EPB41L2: variants seen among roughly 807,000 people sequenced by gnomAD.
The protein encoded by EPB41L2 is band 4.1-like protein 2.
In EPB41L2, 43 loss-of-function variants were observed where a neutral mutation model predicts 113.0. That is an observed-to-expected ratio of 0.38 (90% CI 0.30 to 0.49). The LOEUF (loss-of-function observed/expected upper bound fraction) is 0.49, where lower values mean the gene tolerates loss of function less well. Ranked by LOEUF, EPB41L2 falls within the 20% of genes least tolerant of loss-of-function variation. The pLI is 0.95. For synonymous variants in EPB41L2, 442 were observed against 436.7 expected (o/e 1.01, Z -0.15); for missense variants, 1,147 against 1,223.4 (o/e 0.94, Z 0.93).
At chr6:131,004,066 A>G (rs1015679043) in intron 1 of EPB41L2, among the ~76,000 whole-genome samples, 2 of 152,254 alleles carry the variant, frequency 1.3e-5, no homozygotes, top group African/African-American at 4.8e-5. Context: ...GCCAAACTTT[A>G]CAGCTCTAAA....
At chr6:130,847,215 A>G (rs1341895088) in intron 19 of EPB41L2, among the ~76,000 whole-genome samples, 1 of 152,094 alleles carries the variant, frequency 6.6e-6, no homozygotes, top group African/African-American at 2.4e-5. Flanking sequence ...AACTATCCAG[A>G]TTGCCCTTGG....
chr6:130,854,335 G>GAGGCCGGGCGTGGTGGCTCACGCCTGT, intron 19 of EPB41L2, among the ~76,000 whole-genome samples: 1 of 151,770 alleles, frequency 6.6e-6, no homozygotes, highest in African/African-American at 2.4e-5. Flanking sequence ...AATACTTTTT[G>GAGGCCGGGCGTGGTGGCTCACGCCTGT]AATGCATGAA....
At chr6:131,044,377 G>A (rs1012205648) in intron 1 of EPB41L2, among the ~76,000 whole-genome samples, 2 of 151,978 alleles carry the variant, frequency 1.3e-5, no homozygotes, top group African/African-American at 4.8e-5. Flanking sequence ...ATGGAAGTAA[G>A]TTAATAATGG....
intron 1 of EPB41L2, among the ~76,000 whole-genome samples, chr6:131,051,929 T>C (rs1267302337): frequency 7.8e-6 from 1 of 127,560 alleles, no homozygotes; most frequent in Non-Finnish European, 1.6e-5. Flanking sequence ...CTGTGCTGTG[T>C]TGATTTTTTT....
intron 14 of EPB41L2, among the ~76,000 whole-genome samples, chr6:130,877,190 G>T (rs117670566): frequency 6.6e-6 from 1 of 152,088 alleles, no homozygotes; most frequent in South Asian, 2.1e-4. Flanking sequence ...TTAAGGAAAG[G>T]TGAATAAAAA....
chr6:130,986,900 C>T (rs1230125872), intron 1 of EPB41L2, among the ~76,000 whole-genome samples: 1 of 152,190 alleles, frequency 6.6e-6, no homozygotes, highest in Non-Finnish European at 1.5e-5. Context: ...CCAGCTGTCA[C>T]ACCCCAGTAC....
At chr6:130,929,221 TAA>T (rs1298626220) in intron 3 of EPB41L2, among the ~76,000 whole-genome samples, 1 of 152,060 alleles carries the variant, frequency 6.6e-6, no homozygotes, top group Admixed American at 6.6e-5. Context: ...ATGGAATGAG[TAA>T]ATGTGACTAA....
At chr6:130,846,036 C>G (rs1039371429) in intron 19 of EPB41L2, among the ~76,000 whole-genome samples, 12 of 152,178 alleles carry the variant, frequency 7.9e-5, no homozygotes, top group African/African-American at 2.4e-4. Context: ...TTGAGCCTGT[C>G]GCCTCAAGAG....
At chr6:130,958,465 C>CAA (rs1157839719) in intron 1 of EPB41L2, among the ~76,000 whole-genome samples, 4 of 43,420 alleles carry the variant, frequency 9.2e-5, no homozygotes, top group African/African-American at 1.5e-4. Flanking sequence ...ACAACAACAA[C>CAA]AACAAAAAAA....
intron 3 of EPB41L2, among the ~76,000 whole-genome samples, chr6:130,947,093 A>T (rs961431525): frequency 7.1e-6 from 1 of 141,192 alleles, no homozygotes; most frequent in East Asian, 2.3e-4. Flanking sequence ...AGCGCCCTTG[A>T]CTTTGCTAGG....
At position 131,012,328 on chromosome 6, in the gene EPB41L2, T is replaced by C. The variant is rs116203672; in HGVS notation, c.-15+50827A>G. ...CCTGTGTTAGCTAAGTCAGGGTTTC[T>C]CAACCTCCGCACTACCAACATTTTA... is the stretch of plus-strand genomic sequence containing the variant. On this transcript the variant is annotated intron_variant, in intron 1 of 19. Coordinates refer to ENST00000337057, the MANE Select transcript of EPB41L2 (RefSeq NM_001431.4). Among the ~76,000 whole-genome samples, 447 of 150,796 alleles carry C rather than the reference T, an allele frequency of 3.0e-3. 2 individuals are homozygous for C. The highest frequency in any genetic ancestry group is 9.7e-3 in the African/African-American group (397 of 40,878).
intron 1 of EPB41L2, among the ~76,000 whole-genome samples, chr6:131,040,396 G>A (rs1019755730): frequency 3.3e-5 from 5 of 152,132 alleles, no homozygotes; most frequent in Admixed American, 2.0e-4. Flanking sequence ...CCGGGATTGC[G>A]CCACTGCACT....
chr6:130,921,450 C>G (rs1189480991), intron 4 of EPB41L2, among the ~76,000 whole-genome samples: 1 of 152,176 alleles, frequency 6.6e-6, no homozygotes, highest in African/African-American at 2.4e-5. Flanking sequence ...CCTACCTCCC[C>G]CTGCCAGCTT....
Position 130,869,567 on chromosome 6 carries a change from G to T in EPB41L2, c.2603C>A (p.Ser868Ter). 1 of 1,613,700 alleles carries T rather than the reference G, an allele frequency of 6.2e-7. No individual in the cohort carries two copies. The highest frequency in any genetic ancestry group is 1.1e-5 in the South Asian group (1 of 90,962). The change falls in exon 15 of 20, where the codon TCA becomes TAA. Residue 868 changes from serine to a stop codon, truncating the protein, a stop_gained. Transcript: ENST00000337057. LOFTEE classifies it high-confidence loss of function. The part of the protein sequence containing the change: ...IDVLPQIICC[S>*]EPPVVKTEMV... ...CCACCTGGGACTCCCATTTACCTCTGAACAACAAATAATTTGTGGCAAAAC... is the reference window on the plus strand; with the variant it reads ...CCACCTGGGACTCCCATTTACCTCTTAACAACAAATAATTTGTGGCAAAAC...
intron 3 of EPB41L2, among the ~76,000 whole-genome samples, chr6:130,954,046 T>TC (rs1583876739): frequency 3.4e-5 from 2 of 58,184 alleles, no homozygotes; most frequent in Non-Finnish European, 3.0e-5. Flanking sequence ...CTTTCTTTTT[T>TC]TTTTTTTTTT....
At chr6:131,006,887 C>G (rs1173326477) in intron 1 of EPB41L2, among the ~76,000 whole-genome samples, 1 of 152,028 alleles carries the variant, frequency 6.6e-6, no homozygotes, top group Non-Finnish European at 1.5e-5. Context: ...GGATCCTGTG[C>G]CCATACCACC....
intron 18 of EPB41L2, among the ~76,000 whole-genome samples, chr6:130,862,856 G>A (rs191431773): frequency 3.7e-4 from 57 of 152,180 alleles, no homozygotes; most frequent in East Asian, 7.7e-4. Context: ...TGTAACTATC[G>A]TTAGCTCCTA....
At chr6:131,049,753 G>C (rs1048247629) in intron 1 of EPB41L2, among the ~76,000 whole-genome samples, 1 of 151,820 alleles carries the variant, frequency 6.6e-6, no homozygotes, top group African/African-American at 2.4e-5. Context: ...TCAAAATGTT[G>C]ACACATTTAT....
chr6:130,918,136 T>C (rs1801709771), intron 4 of EPB41L2, among the ~76,000 whole-genome samples: 1 of 152,232 alleles, frequency 6.6e-6, no homozygotes. Flanking sequence ...GAATGTGGGA[T>C]TATAAAGTTT....
Sources: allele counts gnomAD v4.1 joint callset (sites outside exome capture counted in the v4.1 genomes callset), GRCh38; gene constraint gnomAD v4.1.1; transcripts MANE v1.5; gene names NCBI Gene and HGNC (gene_info 2026-07-23, HGNC 2026-07-21).